Variants in GAS7 observed in about 807,000 individuals in gnomAD.
GAS7 encodes the protein growth arrest-specific protein 7.
A neutral mutation model predicts 71.1 loss-of-function variants in GAS7; 28 were observed. That is an observed-to-expected ratio of 0.39 (90% CI 0.29 to 0.54). GAS7 has a LOEUF of 0.54. Among genes scored for constraint, GAS7 ranks in the 20% least tolerant of loss-of-function variants. The pLI is 0.62. For missense variants in GAS7, 436 were observed against 627.8 expected (o/e 0.69, Z 3.27); for synonymous variants, 258 against 245.8 (o/e 1.05, Z -0.46).
At chr17:9,951,290 T>C (rs1326281614) in intron 5 of GAS7, among the ~76,000 whole-genome samples, 1 of 152,246 alleles carries the variant, frequency 6.6e-6, no homozygotes, top group Non-Finnish European at 1.5e-5. Context: ...GACATTAAAG[T>C]AAATTGAGCA....
chr17:10,085,895 G>A (rs1597783368), intron 1 of GAS7, among the ~76,000 whole-genome samples: 5 of 151,648 alleles, frequency 3.3e-5, no homozygotes, highest in Admixed American at 3.3e-4. Flanking sequence ...GAGTGACAGA[G>A]CCAGAATTGG....
At chr17:10,061,609 T>G (rs2073220962) in intron 1 of GAS7, among the ~76,000 whole-genome samples, 1 of 152,252 alleles carries the variant, frequency 6.6e-6, no homozygotes, top group African/African-American at 2.4e-5. Context: ...TCAGCTTCTT[T>G]TCTAGCTTCG....
Position 9,969,297 on chromosome 17 carries a change from TA to T in GAS7, c.471+379del, listed in dbSNP as rs2069855126. The stretch of plus-strand genomic sequence containing the variant: ...AAATTTTACTAAATTCCATTCTGGG[TA>T]ATCTGTCCGTGGGAGGGGTAGGGTA... On this transcript the variant is annotated intron_variant, in intron 4 of 13. Transcript: ENST00000432992. The surrounding 1 kb of genome is among the most constrained non-coding windows in gnomAD (Gnocchi z 5.5). Among the ~76,000 whole-genome samples, 2 of 152,344 alleles carry T rather than the reference TA, an allele frequency of 1.3e-5. No homozygotes were observed. Among genetic ancestry groups the T allele is most frequent in the South Asian group, 4.1e-4 (2 of 4,826 alleles).
chr17:9,918,496 G>A (rs2067675255), intron 12 of GAS7, among the ~76,000 whole-genome samples: 1 of 152,234 alleles, frequency 6.6e-6, no homozygotes, highest in African/African-American at 2.4e-5. Flanking sequence ...TTAAACCAGA[G>A]TCCATCAGGC....
intron 8 of GAS7, among the ~76,000 whole-genome samples, chr17:9,938,306 A>G (rs1332510541): frequency 6.6e-6 from 1 of 151,896 alleles, no homozygotes; most frequent in Non-Finnish European, 1.5e-5. Context: ...CAGGGGTTCT[A>G]GACCAGCCTG....
At position 10,132,787 on chromosome 17, in the gene GAS7, ATTTAATC is replaced by A. The variant is rs554188830; in HGVS notation, c.183+65414_183+65420del. On this transcript the variant is annotated intron_variant, in intron 1 of 13. Transcript: ENST00000432992. ...AAAAAAAAAAATCATTTTTAAAGCAATTTAATCTTTAAAGTCTCTTTTAAAAAGGCTG... is the reference window on the plus strand; with the variant it reads ...AAAAAAAAAAATCATTTTTAAAGCAATTTAAAGTCTCTTTTAAAAAGGCTG... Among the ~76,000 whole-genome samples the A allele has an allele frequency of 4.6e-5, 7 of 152,082 alleles. No individual in the cohort carries two copies. The East Asian group carries it at 1.2e-3, about 25-fold the overall frequency.
chr17:10,075,477 A>C (rs1034535518), intron 1 of GAS7, among the ~76,000 whole-genome samples: 6 of 152,286 alleles, frequency 3.9e-5, no homozygotes, highest in African/African-American at 1.4e-4. Context: ...TCCTTTCTGC[A>C]CTGAATATAT....
At chr17:10,153,007 A>C (rs574904418) in intron 1 of GAS7, among the ~76,000 whole-genome samples, 49 of 149,744 alleles carry the variant, frequency 3.3e-4, no homozygotes, top group African/African-American at 1.2e-3. Context: ...AGCCTGACCA[A>C]CATGGTAAAA....
At chr17:10,047,092 T>G (rs565403793) in intron 1 of GAS7, among the ~76,000 whole-genome samples, 57 of 152,146 alleles carry the variant, frequency 3.7e-4, no homozygotes, top group African/African-American at 1.3e-3. Flanking sequence ...CTGAGAGGAC[T>G]GCCCATCATC....
chr17:10,198,576 G>C lies in GAS7; in HGVS notation c.-186C>G, dbSNP rs1477019543. On this transcript the variant is annotated 5_prime_UTR_variant, in exon 1 of 14. Coordinates refer to ENST00000432992, the MANE Select transcript of GAS7 (RefSeq NM_201433.2). ...CGCGCGCTCCGCGCCGGGAAGCAGA[G>C]ACTCGTTGGCTTCGCAGAGCGAGCG... The C allele has an allele frequency of 5.2e-6, 2 of 382,322 alleles. No individual in the cohort carries two copies. The highest frequency in any genetic ancestry group is 1.0e-4 in the South Asian group (1 of 9,660). The allele number at this position is 382,322 out of a possible 1,614,324, so 23.7% of individuals were successfully genotyped here.
intron 5 of GAS7, among the ~76,000 whole-genome samples, chr17:9,951,536 C>T (rs2069007680): frequency 6.6e-6 from 1 of 152,120 alleles, no homozygotes; most frequent in Non-Finnish European, 1.5e-5. Flanking sequence ...ATGGGTGGAT[C>T]ACCTGAGGTC....
At chr17:10,054,068 A>T (rs1056372003) in intron 1 of GAS7, among the ~76,000 whole-genome samples, 3 of 152,186 alleles carry the variant, frequency 2.0e-5, no homozygotes, top group Non-Finnish European at 4.4e-5. Context: ...CAAGAGAAAA[A>T]CAAAGACGGT....
intron 1 of GAS7, among the ~76,000 whole-genome samples, chr17:10,154,915 C>CAT (rs2074193505): frequency 4.9e-4 from 1 of 2,032 alleles, no homozygotes; most frequent in South Asian, 8.8e-3. Context: ...CCCCAGGCTA[C>CAT]ACACACACAC....
chr17:10,091,176 T>TA (rs1300434059), intron 1 of GAS7, among the ~76,000 whole-genome samples: 1 of 151,888 alleles, frequency 6.6e-6, no homozygotes, highest in African/African-American at 2.4e-5. Flanking sequence ...AAAGACCCAT[T>TA]AAAAATCTAG....
At chr17:10,002,509 C>A (rs1048311216) in intron 2 of GAS7, among the ~76,000 whole-genome samples, 8 of 152,072 alleles carry the variant, frequency 5.3e-5, no homozygotes, top group Non-Finnish European at 1.2e-4. Flanking sequence ...GTGCTGCACC[C>A]ATTAACTCAT....
intron 4 of GAS7, among the ~76,000 whole-genome samples, chr17:9,964,441 A>G (rs1169411532): frequency 6.6e-6 from 1 of 152,048 alleles, no homozygotes; most frequent in African/African-American, 2.4e-5. Context: ...AGACTACCCC[A>G]GCCTCATTTC....
chr17:10,010,289 T>TA (rs1255244496), intron 2 of GAS7, among the ~76,000 whole-genome samples: 2 of 152,012 alleles, frequency 1.3e-5, no homozygotes, highest in Non-Finnish European at 2.9e-5. Context: ...AGCTGGGACT[T>TA]ACAGGCACCC....
intron 1 of GAS7, among the ~76,000 whole-genome samples, chr17:10,155,980 G>C (rs2074202257): frequency 6.6e-6 from 1 of 152,082 alleles, no homozygotes; most frequent in African/African-American, 2.4e-5. Context: ...CCAAGAGTCA[G>C]GTTCGAAGGG....
rs138756629 is a variant in GAS7 at position 10,046,073 on chromosome 17, A to G, written c.184-26176T>C. Among the ~76,000 whole-genome samples, 593 of 152,312 alleles carry G rather than the reference A, an allele frequency of 3.9e-3. 2 individuals carry two copies. Among genetic ancestry groups the G allele is most frequent in the African/African-American group, 0.013 (560 of 41,578 alleles). ...TTGGAAACTCAGCACACTTTGAGAA[A>G]CACTGTCTCTGGCTACACATCAAGT... On this transcript the variant is annotated intron_variant, in intron 1 of 13. Coordinates refer to ENST00000432992, the MANE Select transcript of GAS7 (RefSeq NM_201433.2).
Sources: gnomAD v4.1 joint callset for allele counts (sites outside exome capture counted in the v4.1 genomes callset) on GRCh38, gnomAD v4.1.1 for gene constraint, Gnocchi (gnomAD v3.1) non-coding constraint, MANE v1.5 for transcripts, NCBI Gene and HGNC (gene_info 2026-07-23, HGNC 2026-07-21) for gene names.